Variants in RRBP1 observed in about 807,000 individuals in gnomAD.
The protein encoded by RRBP1 is ribosome-binding protein 1.
Under a neutral mutation model 165.2 loss-of-function variants are expected in RRBP1, and 94 were observed. The ratio of observed to expected loss-of-function variants is 0.57; its 90% CI spans 0.48 to 0.68. The LOEUF is 0.68. RRBP1 is among the 30% of genes least tolerant of loss of function. The pLI is 0.00. For missense variants in RRBP1, 1,676 were observed against 1,763.0 expected (o/e 0.95, Z 0.88); for synonymous variants, 680 against 714.5 (o/e 0.95, Z 0.77).
At chr20:17,673,327 C>T (rs960067476) in intron 2 of RRBP1, among the ~76,000 whole-genome samples, 1 of 152,240 alleles carries the variant, frequency 6.6e-6, no homozygotes, top group African/African-American at 2.4e-5. Context: ...CAGTCACCTC[C>T]TGACCTGACA....
intron 13 of RRBP1, among the ~76,000 whole-genome samples, chr20:17,622,438 C>T (rs1045861479): frequency 7.2e-5 from 11 of 152,026 alleles, no homozygotes; most frequent in African/African-American, 2.7e-4. Flanking sequence ...CGTCTGCTGG[C>T]GGCACCACGG....
Position 17,659,351 on chromosome 20 carries a change from T to C in RRBP1, c.1157A>G (p.Gln386Arg), listed in dbSNP as rs1373666633. ...QNQGKKAEGAQNQGKKVEGAQ... is the reference protein window; with the variant it reads ...QNQGKKAEGARNQGKKVEGAQ... Reference sequence around the variant, plus strand: ...CCCTTCTACTTTTTTGCCCTGGTTCTGAGCCCCCTCGGCCTTTTTGCCCTG... The same window carrying C: ...CCCTTCTACTTTTTTGCCCTGGTTCCGAGCCCCCTCGGCCTTTTTGCCCTG... The change falls in exon 3 of 25, where the codon CAG becomes CGG. Residue 386 changes from glutamine to arginine, a missense_variant. Transcript: ENST00000377813. 12 of 1,537,022 alleles carry C rather than the reference T, an allele frequency of 7.8e-6. No individual in the cohort carries two copies. Among genetic ancestry groups the C allele is most frequent in the Non-Finnish European group, 1.1e-5 (12 of 1,142,286 alleles).
chr20:17,641,607 C>A, intron 5 of RRBP1, 190 bp downstream of exon 5: 1 of 682,336 alleles, frequency 1.5e-6, no homozygotes, highest in African/African-American at 1.8e-5. Context: ...ACGAGCACTG[C>A]CAAGGGTGAG....
At chr20:17,640,889 A>G (rs6044928) in intron 5 of RRBP1, among the ~76,000 whole-genome samples, 151,327 of 152,368 alleles carry the variant, frequency 0.99, 75,153 homozygotes, top group Middle Eastern at 1. Flanking sequence ...GGCACCCGGA[A>G]GAAGGGCTGT....
chr20:17,659,824 C>G lies in RRBP1; in HGVS notation c.684G>C (p.Gln228His). The change falls in exon 3 of 25, where the codon CAG (glutamine) becomes CAC (histidine). Residue 228 changes from glutamine (Q) to histidine (H), a missense_variant. Physicochemically the swap from Gln to His is conservative, Grantham distance 24. Coordinates refer to ENST00000377813, the MANE Select transcript of RRBP1 (RefSeq NM_001365613.2). ...QGRKAEGTPN[Q>H]GKKTEGTPNQ... ...TTGGGGTTCCCTCTGTCTTTTTGCC[C>G]TGGTTTGGGGTTCCCTCTGCCTTTC... 2 of 1,550,576 alleles carry G rather than the reference C, an allele frequency of 1.3e-6. No homozygotes were observed. Among genetic ancestry groups the G allele is most frequent in the Non-Finnish European group, 1.7e-6 (2 of 1,146,750 alleles).
At chr20:17,645,961 G>A (rs913164393) in intron 3 of RRBP1, among the ~76,000 whole-genome samples, 1 of 152,216 alleles carries the variant, frequency 6.6e-6, no homozygotes, top group Admixed American at 6.5e-5. Context: ...GGCCTGGGGA[G>A]TGACCAGGGA....
chr20:17,656,075 G>A (rs183427028), intron 3 of RRBP1, among the ~76,000 whole-genome samples: 6 of 152,308 alleles, frequency 3.9e-5, no homozygotes, highest in Non-Finnish European at 1.5e-5. Context: ...CTGGGGAGTG[G>A]CCCAAATCCA....
intron 7 of RRBP1, among the ~76,000 whole-genome samples, chr20:17,634,252 T>C (rs2036206561): frequency 6.6e-6 from 1 of 152,206 alleles, no homozygotes; most frequent in African/African-American, 2.4e-5. Context: ...GGCCAAAGAC[T>C]GACTGTCCAA....
At chr20:17,633,274 TAAC>T (rs529184096) in intron 8 of RRBP1, among the ~76,000 whole-genome samples, 183 bp downstream of exon 8, 96 of 152,346 alleles carry the variant, frequency 6.3e-4, no homozygotes, top group African/African-American at 2.0e-3. Flanking sequence ...ATGCCAGCTG[TAAC>T]TACTACCAAG....
At chr20:17,640,867 C>T (rs932406935) in intron 5 of RRBP1, among the ~76,000 whole-genome samples, 4 of 152,188 alleles carry the variant, frequency 2.6e-5, no homozygotes, top group Admixed American at 2.0e-4. Flanking sequence ...TCTTTGTGCT[C>T]GAGCAGACAA....
intron 2 of RRBP1, among the ~76,000 whole-genome samples, chr20:17,671,046 G>A (rs3762232): frequency 0.011 from 1,720 of 152,158 alleles, 74 homozygotes; most frequent in East Asian, 0.073. Context: ...TACTTTCCAG[G>A]TCATTCACTC....
chr20:17,616,685 TC>T, intron 21 of RRBP1, 46 bp downstream of exon 21: 1 of 1,342,674 alleles, frequency 7.4e-7, no homozygotes, highest in South Asian at 1.2e-5. Flanking sequence ...GGGCCTGCAC[TC>T]TTCTGGGATT....
At chr20:17,638,737 CAAG>C (rs2036293077) in intron 5 of RRBP1, among the ~76,000 whole-genome samples, 2 of 151,882 alleles carry the variant, frequency 1.3e-5, no homozygotes, top group Non-Finnish European at 2.9e-5. Flanking sequence ...TTCCGGCGCA[CAAG>C]AAGACAAGGC....
In RRBP1 at chr20:17,621,672, C is replaced by A. The variant is rs764155950; in HGVS notation, c.3324+18G>T. On this transcript the variant is annotated intron_variant, in intron 15 of 24. Transcript: ENST00000377813. ...AGGGGAGCCCAACAGAGGAGCCTTG[C>A]CAGGCAGCCACACTTACCGAGGAGG... 5.6e-6 allele frequency: 9 copies of A among 1,611,706 alleles called. No individual in the cohort carries two copies. Among genetic ancestry groups the A allele is most frequent in the South Asian group, 3.3e-5 (3 of 90,902 alleles).
rs761911311 is a variant in RRBP1, at chr20:17,627,633, G to A, written c.2799C>T (p.Cys933=). ...GCCCGTGGAGGCCACTCAGCTCCTC[G>A]CATTTGCTGCGCACCTCCGCCTCGG... is the stretch of plus-strand genomic sequence containing the variant. ...QSSEAEVRSK[C]EELSGLHGQL... is the part of the protein sequence containing the mutation. Residue 933 remains cysteine (C), a synonymous_variant, in exon 10 of 25, where the codon TGC becomes TGT. Coordinates refer to ENST00000377813, the MANE Select transcript of RRBP1 (RefSeq NM_001365613.2). 9.9e-6 allele frequency: 16 copies of A among 1,612,674 alleles called. No individual in the cohort carries two copies. In the East Asian group the frequency reaches 2.0e-4, roughly 20 times the overall value.
chr20:17,644,066 A>G (rs2036417788), intron 3 of RRBP1, among the ~76,000 whole-genome samples: 1 of 148,858 alleles, frequency 6.7e-6, no homozygotes, highest in South Asian at 2.1e-4. Context: ...GACAAAGGAG[A>G]GGGCTGGTTT....
At chr20:17,623,599 T>A (rs1389239818) in intron 13 of RRBP1, among the ~76,000 whole-genome samples, 1 of 152,064 alleles carries the variant, frequency 6.6e-6, no homozygotes, top group Non-Finnish European at 1.5e-5. Context: ...GTTCCCCGAG[T>A]GCTCGCTGCA....
chr20:17,622,222 G>A (rs553745958), intron 13 of RRBP1, among the ~76,000 whole-genome samples: 32 of 152,294 alleles, frequency 2.1e-4, no homozygotes, highest in Admixed American at 1.9e-3. Flanking sequence ...GCCAGCTCCC[G>A]GGACATCTCC....
chr20:17,620,855 G>C, intron 16 of RRBP1, 48 bp from the exon 17 acceptor site: 1 of 1,376,350 alleles, frequency 7.3e-7, no homozygotes, highest in Non-Finnish European at 1.0e-6. Context: ...CCCGAGACCC[G>C]CACCACACAA....
Sources: gnomAD v4.1 joint callset for allele counts (sites outside exome capture counted in the v4.1 genomes callset) on GRCh38, gnomAD v4.1.1 for gene constraint, MANE v1.5 for transcripts, NCBI Gene and HGNC (gene_info 2026-07-23, HGNC 2026-07-21) for gene names.